PIK3C2G: variants seen among roughly 807,000 people sequenced by gnomAD.
PIK3C2G encodes phosphatidylinositol 3-kinase C2 domain-containing subunit gamma.
In PIK3C2G, 168 loss-of-function variants were observed where a neutral mutation model predicts 181.1. That is an observed-to-expected ratio of 0.93 (90% CI 0.82 to 1.05). The LOEUF is 1.05. Among genes scored for constraint, PIK3C2G ranks in the 50% least tolerant of loss-of-function variants. The pLI is 0.00. For synonymous variants in PIK3C2G, 573 were observed against 592.2 expected, an observed-to-expected ratio of 0.97 and a Z score of 0.47; for missense variants, 1,869 against 1,732.8, an observed-to-expected ratio of 1.08 and a Z score of -1.40.
At chr12:18,594,170 C>T (rs909494007) in intron 29 of PIK3C2G, among the ~76,000 whole-genome samples, 6 of 151,644 alleles carry the variant, frequency 4.0e-5, no homozygotes, top group Admixed American at 1.3e-4. Context: ...ACCTTGTTTT[C>T]GAAAATTGAG....
rs747106973 is a variant in PIK3C2G, at chr12:18,371,176, T to G, written c.1749-4T>G. ...GTAATGCTTCTTCTTTCTTTTATTC[T>G]CAGGATCAATTTTCCCCTTGAAATA... On this transcript the variant is annotated splice_region_variant and splice_polypyrimidine_tract_variant and intron_variant, in intron 12 of 32. Coordinates refer to ENST00000538779, the MANE Select transcript of PIK3C2G (RefSeq NM_001288772.2). 3.4e-5 allele frequency: 55 copies of G among 1,601,638 alleles called. No individual in the cohort carries two copies. The highest frequency in any genetic ancestry group is 4.7e-5 in the Non-Finnish European group (55 of 1,173,162).
At chr12:18,537,554 C>G (rs1943925351) in intron 24 of PIK3C2G, among the ~76,000 whole-genome samples, 1 of 152,054 alleles carries the variant, frequency 6.6e-6, no homozygotes. Flanking sequence ...CTACAGTGGT[C>G]AGTATTACTT....
chr12:18,458,653 A>G (rs1318663769), intron 18 of PIK3C2G, among the ~76,000 whole-genome samples: 2 of 152,074 alleles, frequency 1.3e-5, no homozygotes, highest in Non-Finnish European at 2.9e-5. Flanking sequence ...AGTGGGCCCA[A>G]CTAATCACTA....
Position 18,338,484 on chromosome 12 carries a change from T to G in PIK3C2G, c.1331T>G (p.Val444Gly). ...VKKICSVLGCVETKQITDAVN... is the reference protein window; with the variant it reads ...VKKICSVLGCGETKQITDAVN... ...AAAATATGCAGTGTTCTAGGGTGTG[T>G]GGAAACCAAACAAATTACAGATGCA... The change falls in exon 9 of 33, where the codon GTG (valine) becomes GGG (glycine). Residue 444 changes from valine (V) to glycine (G), a missense_variant. Physicochemically the swap from Val to Gly is moderately radical, Grantham distance 109. Transcript: ENST00000538779. 1 of 1,589,410 alleles carries G rather than the reference T, an allele frequency of 6.3e-7. No homozygotes were observed. The highest frequency in any genetic ancestry group is 1.1e-5 in the South Asian group (1 of 90,524).
At chr12:18,621,138 C>T (rs1401360256) in intron 31 of PIK3C2G, among the ~76,000 whole-genome samples, 1 of 151,192 alleles carries the variant, frequency 6.6e-6, no homozygotes, top group Non-Finnish European at 1.5e-5. Context: ...TTTTTTTCAG[C>T]ATCTGGGAAT....
intron 5 of PIK3C2G, among the ~76,000 whole-genome samples, chr12:18,312,814 AAAC>A (rs1232509335): frequency 2.0e-5 from 3 of 152,118 alleles, no homozygotes; most frequent in Non-Finnish European, 4.4e-5. Flanking sequence ...TAAGTATTAA[AAAC>A]AACGTTAAAA....
chr12:18,721,687 A>G, the PIK3C2G span, among the ~76,000 whole-genome samples: 1 of 151,140 alleles, frequency 6.6e-6, no homozygotes, highest in Admixed American at 6.6e-5. Flanking sequence ...AAATCAATTC[A>G]CTACTTCCTT....
At chr12:18,720,609 CTA>C in the PIK3C2G span, among the ~76,000 whole-genome samples, 3 of 151,832 alleles carry the variant, frequency 2.0e-5, no homozygotes, top group Non-Finnish European at 4.4e-5. Flanking sequence ...TATATTCACT[CTA>C]AAATTTTTAG....
intron 3 of PIK3C2G, among the ~76,000 whole-genome samples, chr12:18,289,611 A>G (rs1949601312): frequency 6.6e-6 from 1 of 152,100 alleles, no homozygotes; most frequent in African/African-American, 2.4e-5. Context: ...TACTTGGAAA[A>G]TTGTTAGTAG....
intron 18 of PIK3C2G, among the ~76,000 whole-genome samples, chr12:18,471,525 T>C (rs539562590): frequency 6.6e-6 from 1 of 152,312 alleles, no homozygotes; most frequent in South Asian, 2.1e-4. Flanking sequence ...TAATTCTTGC[T>C]TGTTCTCATC....
At chr12:18,684,021 T>G in the PIK3C2G span, 2 of 1,308,556 alleles carry the variant, frequency 1.5e-6, no homozygotes, top group South Asian at 2.6e-5. Flanking sequence ...TAAAATTTCC[T>G]TTACATCCTA....
At chr12:18,692,510 A>G in the PIK3C2G span, among the ~76,000 whole-genome samples, 1 of 152,200 alleles carries the variant, frequency 6.6e-6, no homozygotes, top group South Asian at 2.1e-4. Flanking sequence ...TATGCTCCAT[A>G]AGGTTTTACA....
At chr12:18,289,527 T>A (rs1386001128) in intron 3 of PIK3C2G, among the ~76,000 whole-genome samples, 1 of 152,184 alleles carries the variant, frequency 6.6e-6, no homozygotes, top group East Asian at 1.9e-4. Context: ...AGTATAACAA[T>A]GAAGAGTGGC....
intron 25 of PIK3C2G, among the ~76,000 whole-genome samples, chr12:18,543,648 T>A (rs1017664399): frequency 1.3e-5 from 2 of 151,866 alleles, no homozygotes; most frequent in African/African-American, 2.4e-5. Context: ...GAATAGGGAG[T>A]CCTTTCCACA....
At chr12:18,389,082 G>A (rs1943368012) in intron 14 of PIK3C2G, among the ~76,000 whole-genome samples, 1 of 152,184 alleles carries the variant, frequency 6.6e-6, no homozygotes, top group African/African-American at 2.4e-5. Flanking sequence ...GCCAGGTGCG[G>A]TGGCTCACGC....
At chr12:18,319,637 T>G (rs564982741) in intron 6 of PIK3C2G, among the ~76,000 whole-genome samples, 2 of 152,360 alleles carry the variant, frequency 1.3e-5, no homozygotes, top group Admixed American at 1.3e-4. Flanking sequence ...AATATGATTA[T>G]GCTTCATAGA....
chr12:18,436,260 T>C (rs913067032), intron 18 of PIK3C2G, among the ~76,000 whole-genome samples: 2 of 152,042 alleles, frequency 1.3e-5, no homozygotes, highest in Admixed American at 6.6e-5. Flanking sequence ...CTTCCTCAGT[T>C]AGAAAATTTT....
chr12:18,260,691 A>T (rs1948210136), upstream of PIK3C2G, among the ~76,000 whole-genome samples: 1 of 152,152 alleles, frequency 6.6e-6, no homozygotes. Context: ...AAGAAGAGAA[A>T]AAAACAGCAA....
At chr12:18,496,711 A>T (rs903958539) in intron 21 of PIK3C2G, among the ~76,000 whole-genome samples, 1 of 152,148 alleles carries the variant, frequency 6.6e-6, no homozygotes, top group African/African-American at 2.4e-5. Flanking sequence ...GTAAAAAGTA[A>T]GAATATGCCC....
Sources: gnomAD v4.1 joint callset for allele counts (sites outside exome capture counted in the v4.1 genomes callset) on GRCh38, gnomAD v4.1.1 for gene constraint, MANE v1.5 for transcripts, NCBI Gene and HGNC (gene_info 2026-07-23, HGNC 2026-07-21) for gene names.